The following RPS6KA2 variants were observed in gnomAD, a reference collection of about 807,000 sequenced individuals.
RPS6KA2 encodes ribosomal protein S6 kinase A2.
RPS6KA2 carries 42 observed loss-of-function variants against 91.8 expected under a neutral mutation model. The ratio of observed to expected loss-of-function variants is 0.46; its 90% CI spans 0.36 to 0.59. RPS6KA2 has a LOEUF of 0.59. Among genes scored for constraint, RPS6KA2 ranks in the 20% least tolerant of loss-of-function variants. The probability of loss-of-function intolerance (pLI) is 0.00; values close to 1 mark genes in which losing one functional copy is unlikely to be tolerated. For missense variants in RPS6KA2, 798 were observed against 978.5 expected (o/e 0.82, Z 2.46); for synonymous variants, 414 against 393.6 (o/e 1.05, Z -0.61).
intron 1 of RPS6KA2, among the ~76,000 whole-genome samples, chr6:166,577,048 C>G (rs780078561): frequency 6.6e-6 from 1 of 152,216 alleles, no homozygotes; most frequent in Non-Finnish European, 1.5e-5. Context: ...AGGGTGGAAG[C>G]CCTAAGCCTT....
intron 2 of RPS6KA2, among the ~76,000 whole-genome samples, chr6:166,810,011 C>T (rs749739316): frequency 6.6e-6 from 1 of 152,206 alleles, no homozygotes; most frequent in Non-Finnish European, 1.5e-5. Context: ...CACAGTTACG[C>T]ATAACTGGAG....
rs1302724315 is a variant in RPS6KA2 at position 166,493,814 on chromosome 6, A to G, written c.748-3073T>C. Among the ~76,000 whole-genome samples, 1 of 152,182 alleles carries G rather than the reference A, an allele frequency of 6.6e-6. No individual in the cohort carries two copies. The highest frequency in any genetic ancestry group is 1.5e-5 in the Non-Finnish European group (1 of 68,016). On this transcript the variant is annotated intron_variant, in intron 8 of 20. Transcript: ENST00000265678. This position sits in a 1 kb window ranked among gnomAD's most constrained non-coding sequence, Gnocchi z 4.7. ...GAGGGAGGCACAGATGCTGCTAAAC[A>G]TCCTATGACACACAGGGCGCCCCAC...
At chr6:166,452,134 A>G (rs1278352553) in intron 12 of RPS6KA2, among the ~76,000 whole-genome samples, 1 of 152,140 alleles carries the variant, frequency 6.6e-6, no homozygotes, top group Non-Finnish European at 1.5e-5. Context: ...AAAATGAAAG[A>G]AATCAATCAC....
At chr6:166,432,228 G>C (rs114918082) in intron 15 of RPS6KA2, among the ~76,000 whole-genome samples, 173 bp downstream of exon 15, 1 of 152,124 alleles carries the variant, frequency 6.6e-6, no homozygotes, top group Non-Finnish European at 1.5e-5. Context: ...CTGTCAAAAA[G>C]ACTTGAGTAC....
intron 2 of RPS6KA2, among the ~76,000 whole-genome samples, chr6:166,809,208 T>C (rs1779570696): frequency 6.6e-6 from 1 of 151,924 alleles, no homozygotes; most frequent in African/African-American, 2.4e-5. Flanking sequence ...AGCAGGGGAG[T>C]CCTGGAAGGC....
intron 2 of RPS6KA2, among the ~76,000 whole-genome samples, chr6:166,637,328 G>A (rs1787278831): frequency 6.6e-6 from 1 of 152,264 alleles, no homozygotes; most frequent in African/African-American, 2.4e-5. Flanking sequence ...CCTGCCTGGA[G>A]TGAAGCCAAC....
At chr6:166,717,970 T>C (rs1790060200) in intron 2 of RPS6KA2, among the ~76,000 whole-genome samples, 1 of 152,044 alleles carries the variant, frequency 6.6e-6, no homozygotes. Flanking sequence ...TGCGTCAGCC[T>C]CCCACGTAGC....
At chr6:166,700,997 G>T in intron 2 of RPS6KA2, 2 of 942,136 alleles carry the variant, frequency 2.1e-6, no homozygotes, top group South Asian at 1.4e-5. Context: ...AAAAACTTGT[G>T]CATGTGATTC....
intron 2 of RPS6KA2, among the ~76,000 whole-genome samples, chr6:166,834,979 G>A (rs1388438577): frequency 6.6e-6 from 1 of 151,988 alleles, no homozygotes; most frequent in Non-Finnish European, 1.5e-5. Flanking sequence ...CCCATTTTTA[G>A]TTACTTTTAT....
chr6:166,668,918 C>T (rs1255547855), intron 2 of RPS6KA2, among the ~76,000 whole-genome samples: 1 of 140,202 alleles, frequency 7.1e-6, no homozygotes, highest in Non-Finnish European at 1.5e-5. Flanking sequence ...TTCAGGGCCT[C>T]ACTCTGTCAC....
intron 16 of RPS6KA2, among the ~76,000 whole-genome samples, chr6:166,429,112 AATG>A (rs904839238): frequency 6.6e-6 from 1 of 152,126 alleles, no homozygotes; most frequent in African/African-American, 2.4e-5. Flanking sequence ...AGCCATAAAA[AATG>A]ATGAGTTCAT....
chr6:166,846,893 C>A (rs1019929627), intron 2 of RPS6KA2, among the ~76,000 whole-genome samples: 1 of 151,978 alleles, frequency 6.6e-6, no homozygotes, highest in Non-Finnish European at 1.5e-5. Flanking sequence ...TCAAGGGCAT[C>A]CAAATTGGTA....
intron 2 of RPS6KA2, among the ~76,000 whole-genome samples, chr6:166,745,569 G>A (rs1302377065): frequency 1.3e-5 from 2 of 152,144 alleles, no homozygotes; most frequent in East Asian, 1.9e-4. Context: ...CCATTCTGGG[G>A]TCCTGGGCTT....
chr6:166,486,716 G>A (rs758537191), intron 10 of RPS6KA2, among the ~76,000 whole-genome samples: 22 of 152,042 alleles, frequency 1.4e-4, no homozygotes, highest in Admixed American at 5.2e-4. Flanking sequence ...TGGGTGGCAC[G>A]GGCTCCGCTG....
At chr6:166,592,186 A>G (rs1426234948) in intron 1 of RPS6KA2, among the ~76,000 whole-genome samples, 3 of 152,206 alleles carry the variant, frequency 2.0e-5, no homozygotes, top group Non-Finnish European at 4.4e-5. Context: ...AGAGTCACAT[A>G]TTATAAATAG....
chr6:166,828,408 C>G (rs1017994251), intron 2 of RPS6KA2, among the ~76,000 whole-genome samples: 10 of 152,244 alleles, frequency 6.6e-5, no homozygotes, highest in Non-Finnish European at 1.3e-4. Context: ...TGACAAACCA[C>G]GTTGGGCTCA....
intron 1 of RPS6KA2, among the ~76,000 whole-genome samples, chr6:166,615,950 T>G (rs1187351880): frequency 6.6e-6 from 1 of 152,168 alleles, no homozygotes; most frequent in Admixed American, 6.5e-5. Context: ...CTGCAGTCAT[T>G]CTCATTCAAT....
intron 1 of RPS6KA2, among the ~76,000 whole-genome samples, chr6:166,611,046 A>G (rs767551573): frequency 1.3e-5 from 2 of 152,266 alleles, no homozygotes; most frequent in Non-Finnish European, 2.9e-5. Context: ...GAATGATTGC[A>G]GACAGATAAT....
chr6:166,506,114 G>A (rs1447946747), intron 5 of RPS6KA2, among the ~76,000 whole-genome samples: 1 of 152,192 alleles, frequency 6.6e-6, no homozygotes, highest in Non-Finnish European at 1.5e-5. Flanking sequence ...ACGACCCAAG[G>A]TGAGTTCTGC....
Sources: allele counts gnomAD v4.1 joint callset (sites outside exome capture counted in the v4.1 genomes callset), GRCh38; gene constraint gnomAD v4.1.1; non-coding constraint Gnocchi (gnomAD v3.1); transcripts MANE v1.5; gene names NCBI Gene and HGNC (gene_info 2026-07-23, HGNC 2026-07-21).